Variants in TNIK observed in about 807,000 individuals in gnomAD.
The protein encoded by TNIK is TRAF2 and NCK-interacting protein kinase.
In TNIK, 49 loss-of-function variants were observed where a neutral mutation model predicts 191.3. The observed-to-expected ratio is 0.26, with a 90% CI of 0.20 to 0.32. The LOEUF (loss-of-function observed/expected upper bound fraction) is 0.32. TNIK is among the 10% of genes least tolerant of loss of function. The probability of loss-of-function intolerance (pLI) is 1.00; values close to 1 mark genes in which losing one functional copy is unlikely to be tolerated. For synonymous variants in TNIK, 594 were observed against 600.9 expected, an observed-to-expected ratio of 0.99 and a Z score of 0.17; for missense variants, 1,155 against 1,702.3, an observed-to-expected ratio of 0.68 and a Z score of 5.66.
chr3:171,108,281 T>A, intron 19 of TNIK, 119 bp from the exon 20 acceptor site: 1 of 692,222 alleles, frequency 1.4e-6, no homozygotes, highest in Non-Finnish European at 2.2e-6. Flanking sequence ...GACACGTCAT[T>A]CACCTGGGCA....
chr3:171,110,025 C>G (rs1321617426), intron 19 of TNIK, among the ~76,000 whole-genome samples: 1 of 152,082 alleles, frequency 6.6e-6, no homozygotes. Flanking sequence ...CTGCCTCAGC[C>G]TCCCGAGTAG....
chr3:171,266,763 C>T (rs954489253), intron 2 of TNIK, among the ~76,000 whole-genome samples: 6 of 152,162 alleles, frequency 3.9e-5, no homozygotes, highest in African/African-American at 1.4e-4. Flanking sequence ...AAAACACTTC[C>T]TTCCTCTGGC....
chr3:171,367,709 A>G (rs909345706), intron 2 of TNIK, among the ~76,000 whole-genome samples: 6 of 152,010 alleles, frequency 3.9e-5, no homozygotes, highest in African/African-American at 1.4e-4. Context: ...AGCTCAAATG[A>G]TCCATCTGCC....
chr3:171,441,520 T>C (rs544021096), intron 1 of TNIK, among the ~76,000 whole-genome samples: 113 of 152,356 alleles, frequency 7.4e-4, no homozygotes, highest in African/African-American at 2.6e-3. Flanking sequence ...TATTCTATTG[T>C]ATGAAAACAC....
chr3:171,085,220 C>A lies in TNIK; in HGVS notation c.2896G>T (p.Gly966Trp). Residue 966 changes from glycine (G) to tryptophan (W), a missense_variant, in exon 25 of 33, where the codon GGG becomes TGG. Around this residue, in one of 3 missense-constraint regions of TNIK, gnomAD observed 735 missense variants for 848.0 expected, o/e 0.87. Transcript: ENST00000436636. Reference sequence around the variant, plus strand: ...GTGAAGGAGGCTTTGGTGCTGCTCCCCATGCCATACTAATCAATAAGCAAG... The same window carrying A: ...GTGAAGGAGGCTTTGGTGCTGCTCCACATGCCATACTAATCAATAAGCAAG... ...EMDSGTEYGM[G>W]SSTKASFTPF... 6.2e-7 allele frequency: 1 copy of A among 1,607,530 alleles called. No homozygotes were observed. Among genetic ancestry groups the A allele is most frequent in the Non-Finnish European group, 8.5e-7 (1 of 1,177,014 alleles).
intron 2 of TNIK, among the ~76,000 whole-genome samples, chr3:171,298,653 C>T (rs1752573623): frequency 6.6e-6 from 1 of 152,166 alleles, no homozygotes; most frequent in Non-Finnish European, 1.5e-5. Flanking sequence ...GAAACTGCTG[C>T]CATGGGCCTG....
At chr3:171,207,466 C>A (rs1355316662) in intron 4 of TNIK, among the ~76,000 whole-genome samples, 1 of 151,976 alleles carries the variant, frequency 6.6e-6, no homozygotes, top group Non-Finnish European at 1.5e-5. Flanking sequence ...TCCAAAAGTA[C>A]TGGGATAATA....
chr3:171,275,693 A>G (rs533096576), intron 2 of TNIK, among the ~76,000 whole-genome samples: 28 of 152,048 alleles, frequency 1.8e-4, no homozygotes, highest in Admixed American at 7.9e-4. Flanking sequence ...ACAGGAGATC[A>G]AGACCATCCT....
intron 7 of TNIK, among the ~76,000 whole-genome samples, chr3:171,184,312 A>G (rs1286283029): frequency 6.6e-6 from 1 of 152,214 alleles, no homozygotes; most frequent in Non-Finnish European, 1.5e-5. Context: ...AGTTATTAAT[A>G]ATCCCATTTC....
intron 1 of TNIK, among the ~76,000 whole-genome samples, chr3:171,450,793 T>C (rs66561835): frequency 0.063 from 9,573 of 152,308 alleles, 591 homozygotes; most frequent in African/African-American, 0.16. Context: ...ACACAATTGA[T>C]ATTTATTCAA....
intron 1 of TNIK, among the ~76,000 whole-genome samples, chr3:171,447,777 G>C (rs1386495528): frequency 6.6e-6 from 1 of 152,154 alleles, no homozygotes; most frequent in Non-Finnish European, 1.5e-5. Context: ...TGCACACAAA[G>C]ACTTATATAT....
intron 30 of TNIK, among the ~76,000 whole-genome samples, chr3:171,067,400 G>C (rs1448131914): frequency 1.3e-5 from 2 of 152,100 alleles, no homozygotes; most frequent in Non-Finnish European, 2.9e-5. Context: ...GCCGCACACA[G>C]TGGCTCATGC....
intron 1 of TNIK, among the ~76,000 whole-genome samples, chr3:171,430,412 G>A (rs1019867266): frequency 1.3e-5 from 2 of 152,114 alleles, no homozygotes; most frequent in African/African-American, 4.8e-5. Context: ...GGCTGAGGTG[G>A]GAGGATCCTT....
intron 21 of TNIK, 83 bp downstream of exon 21, chr3:171,107,100 C>A: frequency 6.9e-7 from 1 of 1,439,076 alleles, no homozygotes; most frequent in East Asian, 2.4e-5. Flanking sequence ...CTCCCATTGG[C>A]CACCTTTCTG....
intron 2 of TNIK, among the ~76,000 whole-genome samples, chr3:171,315,557 C>T (rs1392769677): frequency 6.6e-6 from 1 of 152,182 alleles, no homozygotes; most frequent in East Asian, 1.9e-4. Context: ...CCTAAAATAA[C>T]AGAAATGCAT....
chr3:171,365,919 G>T (rs9290409), intron 2 of TNIK, among the ~76,000 whole-genome samples: 1 of 152,054 alleles, frequency 6.6e-6, no homozygotes, highest in Admixed American at 6.5e-5. Context: ...CTTCATTTCC[G>T]TAATAACCAA....
intron 2 of TNIK, among the ~76,000 whole-genome samples, chr3:171,298,794 C>A (rs990818773): frequency 2.0e-5 from 3 of 152,192 alleles, no homozygotes; most frequent in African/African-American, 7.2e-5. Flanking sequence ...GCACATCTAT[C>A]CTATCCTGAA....
At chr3:171,419,369 A>ATTCCTTCTCTCT (rs1478923198) in intron 1 of TNIK, among the ~76,000 whole-genome samples, 26 of 152,204 alleles carry the variant, frequency 1.7e-4, no homozygotes, top group Non-Finnish European at 5.9e-5. Context: ...AGTTGAAGGA[A>ATTCCTTCTCTCT]ATGTGGAATG....
chr3:171,194,260 T>C (rs771790339), intron 5 of TNIK, among the ~76,000 whole-genome samples: 8 of 152,156 alleles, frequency 5.3e-5, no homozygotes, highest in Non-Finnish European at 1.0e-4. Flanking sequence ...AATGAATCCC[T>C]TGTTAAGAGA....
Sources: gnomAD v4.1 joint callset for allele counts (sites outside exome capture counted in the v4.1 genomes callset) on GRCh38, gnomAD v4.1.1 for gene constraint, gnomAD v4.1.1 regional missense constraint, MANE v1.5 for transcripts, NCBI Gene and HGNC (gene_info 2026-07-23, HGNC 2026-07-21) for gene names.